MGMT: variants seen among roughly 807,000 people sequenced by gnomAD.
MGMT encodes the protein O-6-methylguanine-DNA methyltransferase, also known as methylated-DNA--protein-cysteine methyltransferase.
In MGMT, 14 loss-of-function variants were observed where a neutral mutation model predicts 15.9. That is an observed-to-expected ratio of 0.88 (90% confidence interval 0.58 to 1.37). The LOEUF is 1.37. MGMT is among the 40% of genes most tolerant of loss of function. The pLI, the probability that MGMT is intolerant of heterozygous loss-of-function variation, is 0.00. For synonymous variants in MGMT, 130 were observed against 118.2 expected, an observed-to-expected ratio of 1.10 and a Z score of -0.65; for missense variants, 282 against 268.1, an observed-to-expected ratio of 1.05 and a Z score of -0.36.
chr10:129,483,526 T>G lies in MGMT; in HGVS notation c.-13+16230T>G, dbSNP rs76208541. On this transcript the variant is annotated intron_variant, in intron 1 of 4. Coordinates refer to ENST00000651593, the MANE Select transcript of MGMT (RefSeq NM_002412.5). ...TCTCACCTGCATTCTTGAAAAAATG[T>G]GAATTCTAGGTTGACCTGTTTTTTT... is the stretch of plus-strand genomic sequence containing the variant. Among the ~76,000 whole-genome samples, 492 of 152,320 alleles carry G rather than the reference T, an allele frequency of 3.2e-3. 1 individual carries two copies. Among genetic ancestry groups the G allele is most frequent in the African/African-American group, 0.011 (472 of 41,572 alleles).
intron 3 of MGMT, among the ~76,000 whole-genome samples, chr10:129,744,734 G>A (rs1386589550): frequency 6.6e-6 from 1 of 152,182 alleles, no homozygotes; most frequent in Admixed American, 6.5e-5. Context: ...CAGACCACAG[G>A]AGCTCCTGGC....
chr10:129,469,948 G>A (rs1220297281), intron 1 of MGMT, among the ~76,000 whole-genome samples: 1 of 152,130 alleles, frequency 6.6e-6, no homozygotes, highest in East Asian at 1.9e-4. Context: ...CTGGACTCAA[G>A]TGATCTTCCC....
At chr10:129,470,552 G>T (rs1168501651) in intron 1 of MGMT, among the ~76,000 whole-genome samples, 1 of 152,206 alleles carries the variant, frequency 6.6e-6, no homozygotes, top group Non-Finnish European at 1.5e-5. Context: ...GATCTTTGAA[G>T]TATTAGAGTG....
intron 2 of MGMT, among the ~76,000 whole-genome samples, chr10:129,686,370 T>C (rs577253851): frequency 2.7e-4 from 41 of 152,246 alleles, no homozygotes; most frequent in African/African-American, 9.4e-4. Context: ...TTTTTATTTA[T>C]GTATTTATTT....
chr10:129,474,774 G>C (rs1845271335), intron 1 of MGMT, among the ~76,000 whole-genome samples: 1 of 152,298 alleles, frequency 6.6e-6, no homozygotes, highest in Admixed American at 6.5e-5. Context: ...GTGTGTGCTG[G>C]GGCCTTAAAC....
At chr10:129,691,171 T>TA (rs1237580003) in intron 2 of MGMT, among the ~76,000 whole-genome samples, 2 of 152,084 alleles carry the variant, frequency 1.3e-5, no homozygotes, top group African/African-American at 4.8e-5. Context: ...CCTAAGGAGT[T>TA]AGAGGTGATG....
At chr10:129,691,219 A>G (rs1397824073) in intron 2 of MGMT, among the ~76,000 whole-genome samples, 2 of 152,222 alleles carry the variant, frequency 1.3e-5, no homozygotes, top group Non-Finnish European at 2.9e-5. Flanking sequence ...AGGCAGCTGC[A>G]TGGGGCAGGA....
At chr10:129,712,661 T>G (rs1357438800) in intron 3 of MGMT, among the ~76,000 whole-genome samples, 1 of 152,094 alleles carries the variant, frequency 6.6e-6, no homozygotes, top group Admixed American at 6.6e-5. Flanking sequence ...GTGCTTCTAG[T>G]GAGGACTGCT....
At chr10:129,638,429 C>CAAA in intron 2 of MGMT, among the ~76,000 whole-genome samples, 633 of 61,634 alleles carry the variant, frequency 0.01, 11 homozygotes, top group Non-Finnish European at 0.014. Flanking sequence ...ACCAAAGAGG[C>CAAA]AAAAAAAAAA....
intron 2 of MGMT, among the ~76,000 whole-genome samples, chr10:129,647,049 TCAGTTTG>T (rs1847404811): frequency 6.6e-6 from 1 of 151,992 alleles, no homozygotes; most frequent in Admixed American, 6.6e-5. Flanking sequence ...CAGGTGTGTG[TCAGTTTG>T]CACGCCTCCC....
chr10:129,614,895 C>G (rs1295913985), intron 2 of MGMT, among the ~76,000 whole-genome samples: 3 of 152,162 alleles, frequency 2.0e-5, no homozygotes, highest in Admixed American at 1.3e-4. Context: ...GCCGAGCGCT[C>G]CCTCGTCAGC....
intron 2 of MGMT, among the ~76,000 whole-genome samples, chr10:129,548,164 G>T (rs770366167): frequency 2.6e-5 from 4 of 152,108 alleles, no homozygotes; most frequent in Non-Finnish European, 4.4e-5. Flanking sequence ...ACAAGGCTTG[G>T]GGTATGCTGA....
intron 2 of MGMT, among the ~76,000 whole-genome samples, chr10:129,662,052 C>G (rs1847603947): frequency 6.6e-6 from 1 of 152,122 alleles, no homozygotes; most frequent in Non-Finnish European, 1.5e-5. Flanking sequence ...AGTAATGTGG[C>G]TCTGCAGACA....
chr10:129,471,205 C>T (rs9299871), intron 1 of MGMT, among the ~76,000 whole-genome samples: 19,698 of 152,138 alleles, frequency 0.13, 3,698 homozygotes, highest in African/African-American at 0.41. Flanking sequence ...GCAAGCACAG[C>T]GCGGGTGGCA....
At chr10:129,647,492 T>C (rs375470551) in intron 2 of MGMT, among the ~76,000 whole-genome samples, 26 of 152,266 alleles carry the variant, frequency 1.7e-4, no homozygotes, top group East Asian at 9.6e-4. Flanking sequence ...GGTTAGTTTG[T>C]GAAAAGTAAA....
chr10:129,653,579 C>G (rs1446603228), intron 2 of MGMT, among the ~76,000 whole-genome samples: 2 of 152,250 alleles, frequency 1.3e-5, no homozygotes, highest in African/African-American at 4.8e-5. Context: ...AATGGAGTGG[C>G]CTCACGTGGC....
intron 3 of MGMT, among the ~76,000 whole-genome samples, chr10:129,755,627 C>G (rs904618780): frequency 2.0e-5 from 3 of 152,230 alleles, no homozygotes; most frequent in Non-Finnish European, 4.4e-5. Context: ...AAAGGAGACT[C>G]CTCCTCAAGA....
chr10:129,511,887 C>T (rs1465433201), intron 1 of MGMT, among the ~76,000 whole-genome samples: 1 of 152,218 alleles, frequency 6.6e-6, no homozygotes, highest in Admixed American at 6.5e-5. Context: ...CCAGCACTGG[C>T]CGCTGTGGAG....
chr10:129,631,336 T>C (rs142207358), intron 2 of MGMT, among the ~76,000 whole-genome samples: 47 of 152,332 alleles, frequency 3.1e-4, no homozygotes, highest in African/African-American at 9.4e-4. Flanking sequence ...GAATGTATTA[T>C]CTGTCCTGCC....
Sources: allele counts gnomAD v4.1 joint callset (sites outside exome capture counted in the v4.1 genomes callset), GRCh38; gene constraint gnomAD v4.1.1; transcripts MANE v1.5; gene names NCBI Gene and HGNC (gene_info 2026-07-23, HGNC 2026-07-21).